The following SH2B3 variants were observed in gnomAD, a reference collection of about 807,000 sequenced individuals.
SH2B3 encodes SH2B adapter protein 3.
SH2B3 carries 43 observed loss-of-function variants against 51.9 expected under a neutral mutation model. The ratio of observed to expected loss-of-function variants is 0.83; its 90% CI spans 0.65 to 1.07. The LOEUF is 1.07. SH2B3 is among the 50% of genes least tolerant of loss of function. The pLI is 0.00. For missense variants in SH2B3, 952 were observed against 834.3 expected, an observed-to-expected ratio of 1.14 and a Z score of -1.74; for synonymous variants, 396 against 376.0, an observed-to-expected ratio of 1.05 and a Z score of -0.62.
At position 111,448,066 on chromosome 12, in the gene SH2B3, C is replaced by A. The variant is rs753457228; in HGVS notation, c.1492C>A (p.Leu498Ile). The change falls in exon 8 of 8, where the codon CTT (leucine) becomes ATT (isoleucine). Residue 498 changes from leucine to isoleucine, a missense_variant. By Grantham distance (5) the Leu-to-Ile change is conservative. Coordinates refer to ENST00000341259, the MANE Select transcript of SH2B3 (RefSeq NM_005475.3). Reference protein sequence around the residue: ...SLPHWGSELGLPHLSSSGCPR... With the variant: ...SLPHWGSELGIPHLSSSGCPR... Reference sequence around the variant, plus strand: ...TCCTCACTGGGGTTCAGAGTTGGGCCTTCCCCACCTTAGTTCTTCTGGCTG... The same window carrying A: ...TCCTCACTGGGGTTCAGAGTTGGGCATTCCCCACCTTAGTTCTTCTGGCTG... 3 of 1,613,886 alleles carry A rather than the reference C, an allele frequency of 1.9e-6. No homozygotes were observed. Among genetic ancestry groups the A allele is most frequent in the Non-Finnish European group, 2.5e-6 (3 of 1,179,904 alleles).
chr12:111,419,286 G>A (rs1464459580), intron 2 of SH2B3, among the ~76,000 whole-genome samples: 2 of 151,944 alleles, frequency 1.3e-5, no homozygotes, highest in Admixed American at 6.6e-5. Context: ...CCTGGGTGAC[G>A]GAGTAAGACC....
At chr12:111,439,505 T>TGAA (rs1267338410) in intron 2 of SH2B3, among the ~76,000 whole-genome samples, 1 of 152,066 alleles carries the variant, frequency 6.6e-6, no homozygotes, top group East Asian at 1.9e-4. Flanking sequence ...AGGCTGGTCT[T>TGAA]GAACTCCTGA....
chr12:111,424,940 C>T (rs1006612522), intron 2 of SH2B3, among the ~76,000 whole-genome samples: 2 of 152,232 alleles, frequency 1.3e-5, no homozygotes, highest in African/African-American at 4.8e-5. Flanking sequence ...TTAAAGGGTG[C>T]CCTGCAGGAG....
rs766293655 is a variant in SH2B3 at position 111,447,772 on chromosome 12, C to G, written c.1353C>G (p.Gly451=). ...FQRSPIPLEC[G]AACDVRLSSY... is the part of the protein sequence containing the mutation. ...GCTCGCCCATCCCACTCGAGTGCGG[C>G]GCCGCCTGTGATGTCCGGCTCTCCA... Residue 451 remains glycine, a synonymous_variant, in exon 7 of 8, where the codon GGC becomes GGG. Coordinates refer to ENST00000341259, the MANE Select transcript of SH2B3 (RefSeq NM_005475.3). 1 of 1,614,152 alleles carries G rather than the reference C, an allele frequency of 6.2e-7. No individual in the cohort carries two copies. The highest frequency in any genetic ancestry group is 8.5e-7 in the Non-Finnish European group (1 of 1,180,022).
In SH2B3 at chr12:111,447,687, A is replaced by G; in HGVS notation, c.1268A>G (p.Gln423Arg). Residue 423 changes from glutamine to arginine, a missense_variant, in exon 7 of 8, where the codon CAG (glutamine) becomes CGG (arginine). Gln to Arg is a conservative substitution (Grantham distance 43). Transcript: ENST00000341259. ...CGCCTGTCGCTGACAGAGCGGGGCC[A>G]GTGCCGTGTGCAGCACCTCCACTTT... Reference protein sequence around the residue: ...HLRLSLTERGQCRVQHLHFPS... With the variant: ...HLRLSLTERGRCRVQHLHFPS... 1 of 1,613,546 alleles carries G rather than the reference A, an allele frequency of 6.2e-7. No individual in the cohort carries two copies. Among genetic ancestry groups the G allele is most frequent in the South Asian group, 1.1e-5 (1 of 91,056 alleles).
At chr12:111,437,494 CATT>C (rs1320874980) in intron 2 of SH2B3, among the ~76,000 whole-genome samples, 1 of 152,192 alleles carries the variant, frequency 6.6e-6, no homozygotes, top group African/African-American at 2.4e-5. Context: ...GCCCACTGGG[CATT>C]CAGGGCAGCA....
chr12:111,446,524 A>G (rs1873973952), intron 2 of SH2B3, among the ~76,000 whole-genome samples: 1 of 152,118 alleles, frequency 6.6e-6, no homozygotes. Context: ...ATGGGCTGGG[A>G]GGGCTGGCCT....
intron 2 of SH2B3, among the ~76,000 whole-genome samples, chr12:111,427,443 C>T (rs999603460): frequency 2.5e-4 from 38 of 150,184 alleles, no homozygotes; most frequent in Admixed American, 2.2e-3. Context: ...GGTGCCAGGC[C>T]GGCATTGGAG....
Position 111,418,198 on chromosome 12 carries a change from C to A in SH2B3, c.53C>A (p.Ser18Tyr), listed in dbSNP as rs1382306616. The A allele has an allele frequency of 8.3e-6, 13 of 1,575,292 alleles. No homozygotes were observed. In the African/African-American group the frequency reaches 9.7e-5, roughly 12 times the overall value. ...PSSPSSAPSASPAAAPRGWSE... is the reference protein window; with the variant it reads ...PSSPSSAPSAYPAAAPRGWSE... ...TCGCCCTCTTCCGCGCCCTCAGCCT[C>A]CCCGGCGGCGGCCCCGCGGGGCTGG... Residue 18 changes from serine (S) to tyrosine (Y), a missense_variant, in exon 2 of 8, where the codon TCC becomes TAC. Coordinates refer to ENST00000341259, the MANE Select transcript of SH2B3 (RefSeq NM_005475.3). This position sits in a 1 kb window ranked among gnomAD's most constrained non-coding sequence, Gnocchi z 6.7.
chr12:111,419,626 G>T (rs1166180417), intron 2 of SH2B3, among the ~76,000 whole-genome samples: 1 of 148,958 alleles, frequency 6.7e-6, no homozygotes, highest in Non-Finnish European at 1.5e-5. Flanking sequence ...GACAGAGTGA[G>T]ACTCTGTCTC....
Position 111,449,490 on chromosome 12 carries a change from ATC to A in SH2B3, c.*1190_*1191del, listed in dbSNP as rs1874383503. ...TGGCTACTGCTTCACTGGATTGAGA[ATC>A]TATCTATCTCCTTGCACACATGGGC... On this transcript the variant is annotated 3_prime_UTR_variant, in exon 8 of 8. Coordinates refer to ENST00000341259, the MANE Select transcript of SH2B3 (RefSeq NM_005475.3). 1.3e-5 allele frequency: 2 copies of A among 152,218 alleles called. No individual in the cohort carries two copies. Among genetic ancestry groups the A allele is most frequent in the African/African-American group, 4.8e-5 (2 of 41,446 alleles). 9.4% of individuals were successfully genotyped at this position (152,218 alleles called of 1,614,324 possible).
rs1048728723 is a variant in SH2B3 at position 111,429,727 on chromosome 12, A to G, written c.732+10850A>G. Reference sequence around the variant, plus strand: ...AACCCCGGAGGTGGGGACAGTGATGAAGCCATTTCACAGCCAAGAAAACTA... The same window carrying G: ...AACCCCGGAGGTGGGGACAGTGATGGAGCCATTTCACAGCCAAGAAAACTA... On this transcript the variant is annotated intron_variant, in intron 2 of 7. Coordinates refer to ENST00000341259, the MANE Select transcript of SH2B3 (RefSeq NM_005475.3). This position sits in a 1 kb window ranked among gnomAD's most constrained non-coding sequence, Gnocchi z 4.4. 1.3e-5 allele frequency among the ~76,000 whole-genome samples: 2 copies of G among 152,230 alleles called. No individual in the cohort carries two copies. The highest frequency in any genetic ancestry group is 4.8e-5 in the African/African-American group (2 of 41,460).
intron 2 of SH2B3, among the ~76,000 whole-genome samples, chr12:111,422,380 A>G (rs1724322665): frequency 6.6e-6 from 1 of 152,176 alleles, no homozygotes; most frequent in Admixed American, 6.5e-5. Context: ...ATGGAGGTTA[A>G]GCACCTTTTC....
At chr12:111,412,631 G>A (rs1036750555) in intron 1 of SH2B3, among the ~76,000 whole-genome samples, 1 of 152,296 alleles carries the variant, frequency 6.6e-6, no homozygotes, top group South Asian at 2.1e-4. Flanking sequence ...GTGCAGTGGT[G>A]TGATCACAGC....
Position 111,438,953 on chromosome 12 carries a change from C to T in SH2B3, c.733-7800C>T, listed in dbSNP as rs1873144251. Among the ~76,000 whole-genome samples the T allele has an allele frequency of 6.6e-6, 1 of 152,076 alleles. No individual in the cohort carries two copies. Among genetic ancestry groups the T allele is most frequent in the African/African-American group, 2.4e-5 (1 of 41,426 alleles). On this transcript the variant is annotated intron_variant, in intron 2 of 7. Coordinates refer to ENST00000341259, the MANE Select transcript of SH2B3 (RefSeq NM_005475.3). This position sits in a 1 kb window ranked among gnomAD's most constrained non-coding sequence, Gnocchi z 4.2. ...ACAAGGGTCTCTCAGATGAGGACCA[C>T]AGGGGAGTTTTTGTTTTTGTTTGTT...
chr12:111,419,871 TG>T (rs1296928146), intron 2 of SH2B3, among the ~76,000 whole-genome samples: 1 of 152,206 alleles, frequency 6.6e-6, no homozygotes, highest in African/African-American at 2.4e-5. Flanking sequence ...GGATACCACA[TG>T]AGGTTTAGTC....
rs1208418335 is a variant in SH2B3, at chr12:111,449,820, C to T, written c.*1518C>T. The stretch of plus-strand genomic sequence containing the variant: ...TGACTGCCTGGGAGGAGGGTTAGGT[C>T]TGCTTCTTCCACTTATACTTAGTCT... On this transcript the variant is annotated 3_prime_UTR_variant, in exon 8 of 8. Coordinates refer to ENST00000341259, the MANE Select transcript of SH2B3 (RefSeq NM_005475.3). 6.6e-6 allele frequency: 1 copy of T among 152,218 alleles called. No individual in the cohort carries two copies. The highest frequency in any genetic ancestry group is 2.4e-5 in the African/African-American group (1 of 41,432). 9.4% of individuals were successfully genotyped at this position (152,218 alleles called of 1,614,324 possible). A position where few individuals can be genotyped will look rare whatever the true frequency, so the allele number is the denominator to read the frequency against.
rs78894077 is a variant in SH2B3, at chr12:111,418,869, C to T, written c.724C>T (p.Pro242Ser). The T allele has an allele frequency of 1.1e-3, 1,496 of 1,410,322 alleles. 24 individuals carry two copies. In the East Asian group the frequency reaches 0.042, roughly 40 times the overall value. 87.4% of individuals were successfully genotyped at this position (1,410,322 alleles called of 1,614,324 possible). ...GPDRVLELFDPPKSSRPKLQA... is the reference protein window; with the variant it reads ...GPDRVLELFDSPKSSRPKLQA... ...CGACCGCGTGCTGGAGCTCTTCGAC[C>T]CACCCAAGGTAAGTAAGCCCTGCCC... The change falls in exon 2 of 8, where the codon CCA becomes TCA. Residue 242 changes from proline (P) to serine (S), a missense_variant. By Grantham distance (74) the Pro-to-Ser change is moderately conservative. Coordinates refer to ENST00000341259, the MANE Select transcript of SH2B3 (RefSeq NM_005475.3). The surrounding 1 kb of genome is among the most constrained non-coding windows in gnomAD (Gnocchi z 6.7).
rs1165235965 is a variant in SH2B3, at chr12:111,429,698, C to T, written c.732+10821C>T. On this transcript the variant is annotated intron_variant, in intron 2 of 7. Transcript: ENST00000341259. The surrounding 1 kb of genome is among the most constrained non-coding windows in gnomAD (Gnocchi z 4.4). ...CCGCCACATCCCATGGAATCCTTATCACAAACCCCGGAGGTGGGGACAGTG... is the reference window on the plus strand; with the variant it reads ...CCGCCACATCCCATGGAATCCTTATTACAAACCCCGGAGGTGGGGACAGTG... Among the ~76,000 whole-genome samples, 1 of 152,178 alleles carries T rather than the reference C, an allele frequency of 6.6e-6. No individual in the cohort carries two copies. Among genetic ancestry groups the T allele is most frequent in the Non-Finnish European group, 1.5e-5 (1 of 68,028 alleles).
Sources: gnomAD v4.1 joint callset for allele counts (sites outside exome capture counted in the v4.1 genomes callset) on GRCh38, gnomAD v4.1.1 for gene constraint, Gnocchi (gnomAD v3.1) non-coding constraint, MANE v1.5 for transcripts, NCBI Gene and HGNC (gene_info 2026-07-23, HGNC 2026-07-21) for gene names.